DUS1L: variants seen among roughly 807,000 people sequenced by gnomAD.
DUS1L encodes dihydrouridine synthase 1 like.
In DUS1L, 56 loss-of-function variants were observed where a neutral mutation model predicts 61.2. The ratio of observed to expected loss-of-function variants is 0.92; its 90% CI spans 0.74 to 1.14. The LOEUF is 1.14. Ranked by LOEUF, DUS1L falls within the 50% of genes most tolerant of loss-of-function variation. The probability of loss-of-function intolerance (pLI) is 0.00; values close to 1 mark genes in which losing one functional copy is unlikely to be tolerated. For missense variants in DUS1L, 630 were observed against 632.4 expected (o/e 1.00, Z 0.04); for synonymous variants, 278 against 259.5 (o/e 1.07, Z -0.69).
chr17:82,062,065 G>T, intron 5 of DUS1L, 82 bp from the exon 6 acceptor site: 1 of 1,199,744 alleles, frequency 8.3e-7, no homozygotes. Context: ...CGCCCCCTCT[G>T]CCCCTACTCC....
rs748847881 is a variant in DUS1L at position 82,064,232 on chromosome 17, G to A, written c.240C>T (p.Phe80=). The part of the protein sequence containing the change: ...CPEDRPLIVQ[F]CANDPEVFVQ... Reference sequence around the variant, plus strand: ...CAAACACCTCCGGGTCATTGGCACAGAACTGGAGAAGATGCAGGAGTCAGC... The same window carrying A: ...CAAACACCTCCGGGTCATTGGCACAAAACTGGAGAAGATGCAGGAGTCAGC... Residue 80 remains phenylalanine (F), a splice_region_variant and synonymous_variant, in exon 3 of 14, where the codon TTC becomes TTT. Coordinates refer to ENST00000306796, the MANE Select transcript of DUS1L (RefSeq NM_022156.5). 2 of 1,610,782 alleles carry A rather than the reference G, an allele frequency of 1.2e-6. No individual in the cohort carries two copies. The highest frequency in any genetic ancestry group is 3.3e-5 in the Admixed American group (2 of 59,888).
intron 12 of DUS1L, 93 bp downstream of exon 12, chr17:82,058,688 G>C (rs765609064): frequency 6.3e-7 from 1 of 1,584,284 alleles, no homozygotes; most frequent in South Asian, 1.1e-5. Context: ...CCAGCTGGGC[G>C]GGCACCAGAC....
Position 82,060,794 on chromosome 17 carries a change from C to G in DUS1L, c.940-11G>C. 5 of 1,611,998 alleles carry G rather than the reference C, an allele frequency of 3.1e-6. No homozygotes were observed. Among genetic ancestry groups the G allele is most frequent in the Non-Finnish European group, 4.2e-6 (5 of 1,179,484 alleles). On this transcript the variant is annotated splice_polypyrimidine_tract_variant and intron_variant, in intron 9 of 13. Coordinates refer to ENST00000306796, the MANE Select transcript of DUS1L (RefSeq NM_022156.5). Reference sequence around the variant, plus strand: ...CCTGGATATCTCCTCCTGCAAAAGCCCAAGGCCCTGGTCATGGCCCCAGCC... The same window carrying G: ...CCTGGATATCTCCTCCTGCAAAAGCGCAAGGCCCTGGTCATGGCCCCAGCC...
At chr17:82,063,311 TC>T (rs2033601704) in intron 4 of DUS1L, 156 bp downstream of exon 4, 1 of 1,023,416 alleles carries the variant, frequency 9.8e-7, no homozygotes, top group Admixed American at 1.9e-5. Flanking sequence ...GCCACCTCCT[TC>T]CAGCAGAGAG....
chr17:82,059,706 T>C (rs546882415), intron 11 of DUS1L: 6 of 548,618 alleles, frequency 1.1e-5, no homozygotes, highest in Non-Finnish European at 1.9e-5. Context: ...CTGAAAAGCT[T>C]GTCCCATAGC....
Position 82,064,128 on chromosome 17 carries a change from C to T in DUS1L, c.344G>A (p.Arg115Lys). Residue 115 changes from arginine to lysine, a missense_variant and splice_region_variant, in exon 3 of 14, where the codon AGA becomes AAA. Physicochemically the swap from Arg to Lys is conservative, Grantham distance 26 (BLOSUM62 2). Transcript: ENST00000306796. ...NLGCPQMIAK[R>K]GHYGAFLQDE... ...CCCATGCTCCACATGGAGCTCACCT[C>T]TCTTGGCTATCATCTGTGGGCAGCC... The T allele has an allele frequency of 6.2e-7, 1 of 1,611,840 alleles. No individual in the cohort carries two copies. Among genetic ancestry groups the T allele is most frequent in the Non-Finnish European group, 8.5e-7 (1 of 1,179,622 alleles).
chr17:82,058,748 A>T, intron 12 of DUS1L, 33 bp downstream of exon 12: 1 of 1,613,014 alleles, frequency 6.2e-7, no homozygotes. Context: ...CCAAAGCTGA[A>T]GCCTTGGTGG....
In DUS1L at chr17:82,060,710, A is replaced by G. The variant is rs1337107897; in HGVS notation, c.1013T>C (p.Ile338Thr). The G allele has an allele frequency of 1.2e-6, 2 of 1,612,610 alleles. No individual in the cohort carries two copies. The highest frequency in any genetic ancestry group is 2.7e-5 in the African/African-American group (2 of 74,884). ...LPFHWICQPYIRPGPREGSKE... is the reference protein window; with the variant it reads ...LPFHWICQPYTRPGPREGSKE... ...CTGGCTGGGCTCTCACCCCGGCCGGATGTAGGGCTGGCAGATCCAGTGGAA... is the reference window on the plus strand; with the variant it reads ...CTGGCTGGGCTCTCACCCCGGCCGGGTGTAGGGCTGGCAGATCCAGTGGAA... The change falls in exon 10 of 14, where the codon ATC (isoleucine) becomes ACC (threonine). Residue 338 changes from isoleucine to threonine, a missense_variant. Coordinates refer to ENST00000306796, the MANE Select transcript of DUS1L (RefSeq NM_022156.5).
Position 82,057,988 on chromosome 17 carries a change from G to A in DUS1L, c.*127C>T. 1 of 1,271,842 alleles carries A rather than the reference G, an allele frequency of 7.9e-7. No homozygotes were observed. The allele number at this position is 1,271,842 out of a possible 1,614,324, so 78.8% of individuals were successfully genotyped here. A position where few individuals can be genotyped will look rare whatever the true frequency, so the allele number is the denominator to read the frequency against. On this transcript the variant is annotated 3_prime_UTR_variant, in exon 14 of 14. Coordinates refer to ENST00000306796, the MANE Select transcript of DUS1L (RefSeq NM_022156.5). ...CAGCATTTCCAGGCCCCCAGAGTGG[G>A]CCGAAGGGGGACATGGGCGTGTCTT...
At chr17:82,060,615 C>G in intron 10 of DUS1L, 86 bp downstream of exon 10, 1 of 1,500,356 alleles carries the variant, frequency 6.7e-7, no homozygotes, top group Non-Finnish European at 9.0e-7. Flanking sequence ...TGGCTGAGGA[C>G]AAGCAGGGCA....
chr17:82,058,323 G>A lies in DUS1L; in HGVS notation c.1282+18C>T. On this transcript the variant is annotated intron_variant, in intron 13 of 13. Transcript: ENST00000306796. ...GGGTCTGTTTGCCTGCTGCGGGGCGGGTGGTAGGCGCCCTCACCTGGGCAG... is the reference window on the plus strand; with the variant it reads ...GGGTCTGTTTGCCTGCTGCGGGGCGAGTGGTAGGCGCCCTCACCTGGGCAG... 6.6e-7 allele frequency: 1 copy of A among 1,515,452 alleles called. No individual in the cohort carries two copies. The allele number at this position is 1,515,452 out of a possible 1,614,324, so 93.9% of individuals were successfully genotyped here.
chr17:82,062,541 T>C (rs1408463893), intron 5 of DUS1L, among the ~76,000 whole-genome samples: 1 of 152,228 alleles, frequency 6.6e-6, no homozygotes, highest in African/African-American at 2.4e-5. Flanking sequence ...GGCCCCTTCC[T>C]CACCCTCTAG....
intron 5 of DUS1L, 99 bp downstream of exon 5, chr17:82,062,762 G>A (rs1475744846): frequency 1.1e-5 from 12 of 1,096,766 alleles, no homozygotes; most frequent in Admixed American, 1.9e-5. Flanking sequence ...CCATGAGGCC[G>A]ACGGTGCACG....
Position 82,058,340 on chromosome 17 carries a change from C to G in DUS1L, c.1282+1G>C. 6.6e-7 allele frequency: 1 copy of G among 1,508,370 alleles called. No individual in the cohort carries two copies. Among genetic ancestry groups the G allele is most frequent in the East Asian group, 2.3e-5 (1 of 42,812 alleles). The allele number at this position is 1,508,370 out of a possible 1,614,324, so 93.4% of individuals were successfully genotyped here. The stretch of plus-strand genomic sequence containing the variant: ...GCGGGGCGGGTGGTAGGCGCCCTCA[C>G]CTGGGCAGTCTGCAGTCTCTTTGGA... On this transcript the variant is annotated splice_donor_variant, in intron 13 of 13. Transcript: ENST00000306796. LOFTEE classifies it high-confidence loss of function.
rs757295476 is a variant in DUS1L, at chr17:82,062,968, G to A, written c.403C>T (p.Leu135=). Residue 135 remains leucine (L), a synonymous_variant, in exon 5 of 14, where the codon CTG becomes TTG. Transcript: ENST00000306796. ...EWDLLQRMIL[L]AHEKLSVPVT... ...GGAACAGAGAGTTTCTCGTGGGCCA[G>A]CAAAACTGGGGAGAAGAGAGGCAGC... 2.7e-5 allele frequency: 44 copies of A among 1,612,472 alleles called. No individual in the cohort carries two copies. The highest frequency in any genetic ancestry group is 3.5e-5 in the Non-Finnish European group (41 of 1,179,762).
rs754755127 is a variant in DUS1L at position 82,062,881 on chromosome 17, G to A, written c.490C>T (p.Leu164=). The change falls in exon 5 of 14, where the codon CTG becomes TTG. Residue 164 remains leucine (L), a synonymous_variant. Coordinates refer to ENST00000306796, the MANE Select transcript of DUS1L (RefSeq NM_022156.5). ...IDKTVRYAQM[L]EKAGCQLLTV... is the part of the protein sequence containing the mutation. ...CTCACCTGGCAGCCGGCCTTCTCCA[G>A]CATCTGGGCGTACCTCACGGTCTTG... 8 of 1,612,862 alleles carry A rather than the reference G, an allele frequency of 5.0e-6. No individual in the cohort carries two copies. The highest frequency in any genetic ancestry group is 6.8e-6 in the Non-Finnish European group (8 of 1,179,922).
intron 3 of DUS1L, 101 bp downstream of exon 3, chr17:82,064,023 CAG>C (rs2033641134): frequency 3.0e-6 from 3 of 1,003,430 alleles, no homozygotes; most frequent in Non-Finnish European, 4.5e-6. Context: ...ACTGTCACGA[CAG>C]AGGCAGGGCC....
chr17:82,058,757 G>A, intron 12 of DUS1L, 24 bp downstream of exon 12: 1 of 1,613,192 alleles, frequency 6.2e-7, no homozygotes, highest in South Asian at 1.1e-5. Context: ...AAGCCTTGGT[G>A]GCTTGCAGCC....
At position 82,062,979 on chromosome 17, in the gene DUS1L, G is replaced by C. The variant is rs2033583945; in HGVS notation, c.398-6C>G. On this transcript the variant is annotated splice_polypyrimidine_tract_variant and splice_region_variant and intron_variant, in intron 4 of 13. Coordinates refer to ENST00000306796, the MANE Select transcript of DUS1L (RefSeq NM_022156.5). Reference sequence around the variant, plus strand: ...TTTCTCGTGGGCCAGCAAAACTGGGGAGAAGAGAGGCAGCTTCTGAGGGGG... The same window carrying C: ...TTTCTCGTGGGCCAGCAAAACTGGGCAGAAGAGAGGCAGCTTCTGAGGGGG... 1 of 1,610,954 alleles carries C rather than the reference G, an allele frequency of 6.2e-7. No individual in the cohort carries two copies. The highest frequency in any genetic ancestry group is 2.2e-5 in the East Asian group (1 of 44,876).
Sources: gnomAD v4.1 joint callset for allele counts (sites outside exome capture counted in the v4.1 genomes callset) on GRCh38, gnomAD v4.1.1 for gene constraint, MANE v1.5 for transcripts, NCBI Gene and HGNC (gene_info 2026-07-23, HGNC 2026-07-21) for gene names.